Variants in PACRG observed in about 807,000 individuals in gnomAD.
PACRG encodes the protein parkin coregulated gene protein.
PACRG carries 29 observed loss-of-function variants against 29.7 expected under a neutral mutation model. The ratio of observed to expected loss-of-function variants is 0.98; its 90% CI spans 0.73 to 1.33. PACRG has a LOEUF of 1.33. PACRG is among the 40% of genes most tolerant of loss of function. PACRG has a pLI of 0.00. For synonymous variants in PACRG, 116 were observed against 118.7 expected, an observed-to-expected ratio of 0.98 and a Z score of 0.15; for missense variants, 279 against 316.2, an observed-to-expected ratio of 0.88 and a Z score of 0.89.
intron 1 of PACRG, among the ~76,000 whole-genome samples, chr6:162,744,218 A>G (rs1299308950): frequency 6.6e-6 from 1 of 152,198 alleles, no homozygotes; most frequent in Non-Finnish European, 1.5e-5. Flanking sequence ...CTTGAAAAAA[A>G]GACTTTTTTT....
At chr6:162,810,464 A>G (rs931609279) in intron 1 of PACRG, among the ~76,000 whole-genome samples, 3 of 152,230 alleles carry the variant, frequency 2.0e-5, no homozygotes, top group African/African-American at 7.2e-5. Flanking sequence ...AACAGGTGCC[A>G]ACAACAAGAT....
intron 1 of PACRG, among the ~76,000 whole-genome samples, chr6:162,756,512 A>T (rs1781935469): frequency 6.6e-6 from 1 of 152,152 alleles, no homozygotes; most frequent in African/African-American, 2.4e-5. Flanking sequence ...TTCCAGGCCT[A>T]CATTTTCAGT....
chr6:163,279,183 T>C (rs1350195654), intron 4 of PACRG, among the ~76,000 whole-genome samples: 1 of 152,210 alleles, frequency 6.6e-6, no homozygotes, highest in Non-Finnish European at 1.5e-5. Flanking sequence ...TGTACATTAA[T>C]TTTGTATCTT....
At chr6:163,164,355 A>G (rs926006492) in intron 4 of PACRG, among the ~76,000 whole-genome samples, 2 of 152,168 alleles carry the variant, frequency 1.3e-5, no homozygotes, top group Admixed American at 6.5e-5. Context: ...CCATCTAACA[A>G]GAGAATATCC....
intron 2 of PACRG, among the ~76,000 whole-genome samples, chr6:162,911,149 T>G (rs2128077253): frequency 6.6e-6 from 1 of 152,360 alleles, no homozygotes; most frequent in African/African-American, 2.4e-5. Context: ...AATCAAGAAC[T>G]AAGTTATTTT....
At chr6:162,815,952 ATAAAT>A (rs1307025079) in intron 2 of PACRG, among the ~76,000 whole-genome samples, 3 of 152,268 alleles carry the variant, frequency 2.0e-5, no homozygotes, top group African/African-American at 4.8e-5. Flanking sequence ...ATTAATGAAA[ATAAAT>A]TATATAGATT....
At chr6:162,953,835 C>T (rs1362575987) in intron 2 of PACRG, among the ~76,000 whole-genome samples, 1 of 152,102 alleles carries the variant, frequency 6.6e-6, no homozygotes, top group Non-Finnish European at 1.5e-5. Context: ...CTGTAGACTT[C>T]AGAGTGTACA....
chr6:162,802,827 G>A (rs998071446), intron 1 of PACRG, among the ~76,000 whole-genome samples: 19 of 152,006 alleles, frequency 1.2e-4, no homozygotes, highest in Admixed American at 1.2e-3. Flanking sequence ...TGAATTTTAT[G>A]GTATCATCCC....
rs1778588389 is a variant in PACRG, at chr6:163,162,281, A to G, written c.613+72873A>G. Among the ~76,000 whole-genome samples the G allele has an allele frequency of 2.0e-5, 3 of 152,194 alleles. No homozygotes were observed. In the South Asian group the frequency reaches 6.2e-4, roughly 31 times the overall value. Reference sequence around the variant, plus strand: ...CAGCTGCAGGTGATCTTGGAAATCAATGCTCATTAATTATCAACGTGGCTA... The same window carrying G: ...CAGCTGCAGGTGATCTTGGAAATCAGTGCTCATTAATTATCAACGTGGCTA... On this transcript the variant is annotated intron_variant, in intron 4 of 4. Transcript: ENST00000366888.
intron 2 of PACRG, among the ~76,000 whole-genome samples, chr6:162,906,256 T>C (rs1202121103): frequency 6.6e-6 from 1 of 152,248 alleles, no homozygotes; most frequent in East Asian, 1.9e-4. Flanking sequence ...CATGTAAATG[T>C]CAATTTAATG....
intron 2 of PACRG, among the ~76,000 whole-genome samples, chr6:162,988,416 C>T (rs539434627): frequency 4.6e-5 from 7 of 152,094 alleles, no homozygotes; most frequent in East Asian, 3.9e-4. Context: ...GCAATGAAGC[C>T]GGACAGATGG....
At chr6:162,741,436 C>A (rs1174767991) in intron 1 of PACRG, among the ~76,000 whole-genome samples, 2 of 152,162 alleles carry the variant, frequency 1.3e-5, no homozygotes, top group Non-Finnish European at 2.9e-5. Flanking sequence ...GGGCTCTCTT[C>A]CGTGCTTGCA....
At chr6:163,173,920 C>T (rs534445839) in intron 4 of PACRG, among the ~76,000 whole-genome samples, 4 of 152,146 alleles carry the variant, frequency 2.6e-5, no homozygotes, top group African/African-American at 4.8e-5. Context: ...TACTAAAGGA[C>T]GTCATTGTTC....
At chr6:162,803,337 G>C (rs1031175628) in intron 1 of PACRG, among the ~76,000 whole-genome samples, 1 of 152,190 alleles carries the variant, frequency 6.6e-6, no homozygotes, top group Non-Finnish European at 1.5e-5. Flanking sequence ...AATGCTTGAA[G>C]GGCCTGTGCA....
At chr6:162,889,627 T>C (rs1016825387) in intron 2 of PACRG, among the ~76,000 whole-genome samples, 2 of 152,224 alleles carry the variant, frequency 1.3e-5, no homozygotes, top group Admixed American at 6.5e-5. Flanking sequence ...TGTTCTCTTG[T>C]ATACTTGTGT....
At chr6:163,106,431 A>T (rs182455403) in intron 4 of PACRG, among the ~76,000 whole-genome samples, 84 of 152,262 alleles carry the variant, frequency 5.5e-4, no homozygotes, top group African/African-American at 1.7e-3. Flanking sequence ...TTACTAAATT[A>T]AAAAAAGTAG....
At chr6:162,870,540 T>A (rs1271016714) in intron 2 of PACRG, among the ~76,000 whole-genome samples, 2 of 152,214 alleles carry the variant, frequency 1.3e-5, no homozygotes, top group African/African-American at 4.8e-5. Flanking sequence ...CAGTACACAC[T>A]GAACCCAGTT....
intron 1 of PACRG, among the ~76,000 whole-genome samples, chr6:162,785,170 G>GAGGGC (rs1401506627): frequency 3.1e-5 from 1 of 32,732 alleles, no homozygotes; most frequent in East Asian, 6.1e-4. Flanking sequence ...GAGGGAGGCA[G>GAGGGC]AGAGAGAGAG....
intron 4 of PACRG, among the ~76,000 whole-genome samples, chr6:163,180,604 G>A (rs1388239152): frequency 1.3e-5 from 2 of 151,950 alleles, no homozygotes; most frequent in African/African-American, 2.4e-5. Context: ...TCTAGCCTGG[G>A]CAACAGTGAT....
Sources: allele counts gnomAD v4.1 joint callset (sites outside exome capture counted in the v4.1 genomes callset), GRCh38; gene constraint gnomAD v4.1.1; transcripts MANE v1.5; gene names NCBI Gene and HGNC (gene_info 2026-07-23, HGNC 2026-07-21).